The following ABCC1 variants were observed in gnomAD, a reference collection of about 807,000 sequenced individuals.
The protein encoded by ABCC1 is multidrug resistance-associated protein 1.
Under a neutral mutation model 172.9 loss-of-function variants are expected in ABCC1, and 83 were observed. That is an observed-to-expected ratio of 0.48 (90% CI 0.40 to 0.58). The LOEUF is 0.58. Ranked by LOEUF, ABCC1 falls within the 20% of genes least tolerant of loss-of-function variation. The pLI is 0.00. For missense variants in ABCC1, 1,817 were observed against 2,002.7 expected (o/e 0.91, Z 1.77); for synonymous variants, 937 against 825.2 (o/e 1.14, Z -2.32).
chr16:15,975,775 G>A (rs913059696), intron 1 of ABCC1, among the ~76,000 whole-genome samples: 1 of 151,648 alleles, frequency 6.6e-6, no homozygotes, highest in Non-Finnish European at 1.5e-5. Flanking sequence ...AAGCTGGTCT[G>A]GAACTCCCAA....
chr16:15,975,164 A>G (rs1278462743), intron 1 of ABCC1, among the ~76,000 whole-genome samples: 1 of 152,152 alleles, frequency 6.6e-6, no homozygotes, highest in East Asian at 1.9e-4. Flanking sequence ...GCTTTTACAC[A>G]TGGTTTAAAA....
chr16:16,103,529 G>A (rs1013712962), intron 20 of ABCC1, among the ~76,000 whole-genome samples: 3 of 152,156 alleles, frequency 2.0e-5, no homozygotes, highest in South Asian at 2.1e-4. Context: ...GCAGTGAGCC[G>A]AGATTGCGCC....
intron 19 of ABCC1, among the ~76,000 whole-genome samples, chr16:16,098,532 T>C (rs976471707): frequency 6.6e-6 from 1 of 152,202 alleles, no homozygotes; most frequent in African/African-American, 2.4e-5. Context: ...GGCTGGAGAA[T>C]TGCTTGAACC....
Position 15,964,234 on chromosome 16 carries a change from C to T in ABCC1, c.48+14435C>T, listed in dbSNP as rs1378780684. 2.0e-5 allele frequency among the ~76,000 whole-genome samples: 3 copies of T among 151,968 alleles called. No homozygotes were observed. In the South Asian group the frequency reaches 6.2e-4, roughly 32 times the overall value. On this transcript the variant is annotated intron_variant, in intron 1 of 30. Transcript: ENST00000399410. ...CTGGGATTACAGGCGTGAGCCACTGCGCCCGGCCAATTTCCACCCTTTTAT... is the reference window on the plus strand; with the variant it reads ...CTGGGATTACAGGCGTGAGCCACTGTGCCCGGCCAATTTCCACCCTTTTAT...
chr16:16,042,413 G>A (rs566566013), intron 7 of ABCC1, among the ~76,000 whole-genome samples: 1 of 151,978 alleles, frequency 6.6e-6, no homozygotes, highest in Non-Finnish European at 1.5e-5. Flanking sequence ...GTACAAGAAC[G>A]AACTATTGGC....
intron 27 of ABCC1, 21 bp downstream of exon 27, chr16:16,131,956 T>G: frequency 6.2e-7 from 1 of 1,606,568 alleles, no homozygotes; most frequent in Non-Finnish European, 8.5e-7. Flanking sequence ...ATCGCCCCAT[T>G]CCCTCACCCA....
intron 1 of ABCC1, among the ~76,000 whole-genome samples, chr16:15,978,381 A>G (rs896872137): frequency 6.6e-6 from 1 of 152,168 alleles, no homozygotes; most frequent in African/African-American, 2.4e-5. Context: ...CAAACAAACA[A>G]ACAAACAAAC....
At chr16:15,965,049 G>A (rs1456525893) in intron 1 of ABCC1, among the ~76,000 whole-genome samples, 1 of 151,946 alleles carries the variant, frequency 6.6e-6, no homozygotes. Flanking sequence ...TTTCCTATTG[G>A]CATATTAACA....
intron 1 of ABCC1, among the ~76,000 whole-genome samples, chr16:15,963,393 C>T (rs997157079): frequency 6.6e-6 from 1 of 152,248 alleles, no homozygotes; most frequent in Non-Finnish European, 1.5e-5. Flanking sequence ...CCTTTTCTCA[C>T]AGCTCCATTA....
At chr16:16,039,988 A>G (rs1464381093) in intron 7 of ABCC1, among the ~76,000 whole-genome samples, 1 of 152,140 alleles carries the variant, frequency 6.6e-6, no homozygotes, top group Non-Finnish European at 1.5e-5. Flanking sequence ...GTGGGATTCC[A>G]GGTGCAGTGA....
chr16:15,972,279 A>G (rs2046386977), intron 1 of ABCC1, among the ~76,000 whole-genome samples: 4 of 152,204 alleles, frequency 2.6e-5, no homozygotes, highest in East Asian at 1.9e-4. Context: ...TTTGACATCT[A>G]TCTCTTACCT....
intron 11 of ABCC1, among the ~76,000 whole-genome samples, chr16:16,055,852 C>T (rs1272424597): frequency 1.3e-5 from 2 of 149,582 alleles, no homozygotes; most frequent in Non-Finnish European, 3.0e-5. Flanking sequence ...TTTTAATAGA[C>T]GGTGAAGTTG....
intron 1 of ABCC1, among the ~76,000 whole-genome samples, chr16:15,962,770 C>A (rs1201281461): frequency 6.6e-6 from 1 of 152,202 alleles, no homozygotes; most frequent in Non-Finnish European, 1.5e-5. Flanking sequence ...GGTCCCTCCA[C>A]CAACACGTGG....
intron 29 of ABCC1, among the ~76,000 whole-genome samples, 171 bp downstream of exon 29, chr16:16,136,815 A>G (rs764467302): frequency 3.3e-5 from 5 of 152,174 alleles, no homozygotes; most frequent in Non-Finnish European, 7.3e-5. Context: ...ACGGGTCTCA[A>G]TCCAGGCTCT....
chr16:16,014,928 G>A (rs962281495), intron 4 of ABCC1, among the ~76,000 whole-genome samples: 1 of 152,202 alleles, frequency 6.6e-6, no homozygotes, highest in Non-Finnish European at 1.5e-5. Context: ...CCCATCAGCA[G>A]GAAACAGCAA....
intron 19 of ABCC1, among the ~76,000 whole-genome samples, chr16:16,091,104 T>G (rs1247781561): frequency 6.6e-6 from 1 of 151,934 alleles, no homozygotes; most frequent in Non-Finnish European, 1.5e-5. Flanking sequence ...TTCAGACCCA[T>G]CTGAGCTTCA....
At chr16:16,123,824 C>T (rs2045278985) in intron 24 of ABCC1, among the ~76,000 whole-genome samples, 3 of 152,020 alleles carry the variant, frequency 2.0e-5, no homozygotes, top group Admixed American at 2.0e-4. Flanking sequence ...CCAGCCTGGG[C>T]ACTCTAGGGA....
At chr16:16,140,937 C>A (rs928482675) in intron 30 of ABCC1, among the ~76,000 whole-genome samples, 17 of 152,180 alleles carry the variant, frequency 1.1e-4, no homozygotes, top group African/African-American at 4.1e-4. Context: ...ACTGTTAATA[C>A]CATTCACACC....
At chr16:16,081,583 A>C (rs1184250442) in intron 16 of ABCC1, among the ~76,000 whole-genome samples, 1 of 152,190 alleles carries the variant, frequency 6.6e-6, no homozygotes, top group East Asian at 1.9e-4. Flanking sequence ...TGTGGGTTCT[A>C]TGGTAAGGCA....
Sources: allele counts gnomAD v4.1 joint callset (sites outside exome capture counted in the v4.1 genomes callset), GRCh38; gene constraint gnomAD v4.1.1; transcripts MANE v1.5; gene names NCBI Gene and HGNC (gene_info 2026-07-23, HGNC 2026-07-21).